The following CNOT1 variants were observed in gnomAD, a reference collection of about 807,000 sequenced individuals.
CNOT1 encodes CCR4-associated factor 1.
A neutral mutation model predicts 273.8 loss-of-function variants in CNOT1; 15 were observed. The ratio of observed to expected loss-of-function variants is 0.05; its 90% CI spans 0.04 to 0.08. CNOT1 has a LOEUF of 0.08. Among genes scored for constraint, CNOT1 ranks in the 10% least tolerant of loss-of-function variants. CNOT1 has a pLI of 1.00. For synonymous variants in CNOT1, 1,022 were observed against 1,005.5 expected (o/e 1.02, Z -0.31); for missense variants, 1,644 against 2,912.2 (o/e 0.56, Z 10.02).
chr16:58,571,828 A>C (rs1196768563), intron 16 of CNOT1, among the ~76,000 whole-genome samples: 2 of 151,846 alleles, frequency 1.3e-5, no homozygotes, highest in African/African-American at 4.8e-5. Context: ...AAATTTAAAA[A>C]TCATCTGGGT....
At chr16:58,611,820 CAAA>C (rs10615992) in intron 1 of CNOT1, among the ~76,000 whole-genome samples, 16,478 of 140,670 alleles carry the variant, frequency 0.12, 1,640 homozygotes, top group East Asian at 0.28. Context: ...GACTCTGTCT[CAAA>C]AAAAAAAAAA....
At chr16:58,522,501 T>C (rs1197281311) in intron 47 of CNOT1, among the ~76,000 whole-genome samples, 2 of 82,544 alleles carry the variant, frequency 2.4e-5, no homozygotes, top group Non-Finnish European at 4.2e-5. Context: ...TTTAGCACCA[T>C]AGGTGACTAA....
chr16:58,586,874 T>C, intron 6 of CNOT1, 126 bp from the exon 7 acceptor site: 1 of 1,126,320 alleles, frequency 8.9e-7, no homozygotes, highest in Non-Finnish European at 1.3e-6. Flanking sequence ...CTCTAATGCT[T>C]TCTCTAGCTG....
Position 58,618,257 on chromosome 16 carries a change from G to A in CNOT1, c.-175+11471C>T, listed in dbSNP as rs114067982. Among the ~76,000 whole-genome samples the A allele has an allele frequency of 3.3e-3, 507 of 151,954 alleles. 3 individuals are homozygous for A. Among genetic ancestry groups the A allele is most frequent in the African/African-American group, 0.011 (469 of 41,460 alleles). ...TTCAAGGCTGCATTGAGCTGTGGTC[G>A]AGCTACTTTGTCTCTAAAAAAAAAA... On this transcript the variant is annotated intron_variant, in intron 1 of 48. Coordinates refer to ENST00000317147, the MANE Select transcript of CNOT1 (RefSeq NM_016284.5).
chr16:58,574,580 A>G (rs1354406699), intron 16 of CNOT1, 29 bp downstream of exon 16: 10 of 1,543,670 alleles, frequency 6.5e-6, no homozygotes, highest in Non-Finnish European at 8.7e-6. Flanking sequence ...CAATTCAAAA[A>G]AAGTCATATT....
rs1226669693 is a variant in CNOT1, at chr16:58,574,231, G to T, written c.1979+378C>A. ...TTTGAGGTTGCAGTAAGCTATGATT[G>T]CACCACTGTACTCCAGCCTAGTCGA... On this transcript the variant is annotated intron_variant, in intron 16 of 48. Coordinates refer to ENST00000317147, the MANE Select transcript of CNOT1 (RefSeq NM_016284.5). 2.6e-5 allele frequency among the ~76,000 whole-genome samples: 4 copies of T among 152,038 alleles called. No homozygotes were observed. The South Asian group carries it at 8.3e-4, about 32-fold the overall frequency.
At position 58,578,541 on chromosome 16, in the gene CNOT1, G is replaced by A. The variant is rs111595152; in HGVS notation, c.1584+158C>T. Among the ~76,000 whole-genome samples, 497 of 151,396 alleles carry A rather than the reference G, an allele frequency of 3.3e-3. 3 individuals are homozygous for A. The highest frequency in any genetic ancestry group is 0.011 in the African/African-American group (465 of 41,192). The stretch of plus-strand genomic sequence containing the variant: ...GGATCTTGTATTTTATTGCTCACAT[G>A]ATTCTAAAAGATAAAACAAGTTTTA... On this transcript the variant is annotated intron_variant, in intron 13 of 48. Transcript: ENST00000317147.
chr16:58,602,073 T>A (rs1042974444), intron 1 of CNOT1, among the ~76,000 whole-genome samples: 1 of 151,940 alleles, frequency 6.6e-6, no homozygotes, highest in Non-Finnish European at 1.5e-5. Context: ...TTTTTTTTAT[T>A]TTTTATTTTT....
At chr16:58,586,484 T>C in intron 7 of CNOT1, 61 bp downstream of exon 7, 2 of 1,432,350 alleles carry the variant, frequency 1.4e-6, no homozygotes, top group Non-Finnish European at 1.9e-6. Flanking sequence ...GGAATGCTTT[T>C]GTGATGTGTC....
At chr16:58,585,800 T>C (rs548960303) in intron 7 of CNOT1, among the ~76,000 whole-genome samples, 152 of 152,330 alleles carry the variant, frequency 1.0e-3, no homozygotes, top group African/African-American at 3.4e-3. Flanking sequence ...ACAATAGGGC[T>C]ATCACTTCCC....
intron 20 of CNOT1, 80 bp downstream of exon 20, chr16:58,555,704 G>A (rs1597451064): frequency 1.9e-6 from 3 of 1,587,304 alleles, no homozygotes; most frequent in Admixed American, 3.5e-5. Context: ...ACTTTGAGCT[G>A]GATTTCTAAA....
In CNOT1 at chr16:58,547,311, A is replaced by G. The variant is rs1185537814; in HGVS notation, c.3640-15T>C. On this transcript the variant is annotated splice_polypyrimidine_tract_variant and intron_variant, in intron 26 of 48. Transcript: ENST00000317147. This position sits in a 1 kb window ranked among gnomAD's most constrained non-coding sequence, Gnocchi z 4.0. ...ACATCCAAGTCCTAGAATAAGAAAA[A>G]TACTTTCAAAAGCGGGGAATATACC... 6.2e-7 allele frequency: 1 copy of G among 1,611,568 alleles called. No homozygotes were observed. The highest frequency in any genetic ancestry group is 8.5e-7 in the Non-Finnish European group (1 of 1,179,228).
At chr16:58,626,811 T>A (rs1468993606) in intron 1 of CNOT1, among the ~76,000 whole-genome samples, 1 of 151,998 alleles carries the variant, frequency 6.6e-6, no homozygotes, top group Non-Finnish European at 1.5e-5. Context: ...AAAATACTCA[T>A]AACAAATATT....
chr16:58,553,389 C>T (rs948984400), intron 22 of CNOT1, among the ~76,000 whole-genome samples: 8 of 152,126 alleles, frequency 5.3e-5, no homozygotes, highest in African/African-American at 1.9e-4. Context: ...AGTTTTGGCT[C>T]ATATTAACTC....
rs181363211 is a variant in CNOT1 at position 58,596,136 on chromosome 16, G to A, written c.102+3100C>T. Among the ~76,000 whole-genome samples, 23 of 152,306 alleles carry A rather than the reference G, an allele frequency of 1.5e-4. No individual in the cohort carries two copies. The East Asian group carries it at 2.9e-3, about 19-fold the overall frequency. Reference sequence around the variant, plus strand: ...ACCTGTGTGCAAGGCAGTGGGACAAGTGCTGAAGGGAAAAGTAAAGCTGTC... The same window carrying A: ...ACCTGTGTGCAAGGCAGTGGGACAAATGCTGAAGGGAAAAGTAAAGCTGTC... On this transcript the variant is annotated intron_variant, in intron 2 of 48. Transcript: ENST00000317147.
chr16:58,556,046 A>G (rs1230350134), intron 19 of CNOT1, 138 bp from the exon 20 acceptor site: 5 of 1,439,666 alleles, frequency 3.5e-6, no homozygotes, highest in Non-Finnish European at 4.6e-6. Context: ...TAAGCGGTCA[A>G]GTTTCAGTAT....
rs888341449 is a variant in CNOT1, at chr16:58,553,962, T to C, written c.2892-102A>G. The C allele has an allele frequency of 3.6e-6, 5 of 1,372,936 alleles. No individual in the cohort carries two copies. In the African/African-American group the frequency reaches 6.1e-5, roughly 17 times the overall value. 85.0% of individuals were successfully genotyped at this position (1,372,936 alleles called of 1,614,324 possible). The stretch of plus-strand genomic sequence containing the variant: ...TAATCTAGGTCATTTTTTTCCATCT[T>C]ACCTATGAATAACTTATTTGAAGAA... On this transcript the variant is annotated intron_variant, in intron 21 of 48. Coordinates refer to ENST00000317147, the MANE Select transcript of CNOT1 (RefSeq NM_016284.5).
chr16:58,602,328 C>T (rs1423744903), intron 1 of CNOT1, among the ~76,000 whole-genome samples: 1 of 152,072 alleles, frequency 6.6e-6, no homozygotes, highest in Non-Finnish European at 1.5e-5. Context: ...ACCTCAGCCT[C>T]CCAAAGTGTT....
chr16:58,565,803 G>A (rs1341067796), intron 16 of CNOT1, among the ~76,000 whole-genome samples: 1 of 152,074 alleles, frequency 6.6e-6, no homozygotes, highest in Non-Finnish European at 1.5e-5. Context: ...AAATTAGCCA[G>A]GTGTGGTAGT....
Sources: gnomAD v4.1 joint callset for allele counts (sites outside exome capture counted in the v4.1 genomes callset) on GRCh38, gnomAD v4.1.1 for gene constraint, Gnocchi (gnomAD v3.1) non-coding constraint, MANE v1.5 for transcripts, NCBI Gene and HGNC (gene_info 2026-07-23, HGNC 2026-07-21) for gene names.